Variants in IRF2BP2 observed in about 807,000 individuals in gnomAD.
The protein encoded by IRF2BP2 is interferon regulatory factor 2-binding protein 2.
IRF2BP2 carries 13 observed loss-of-function variants against 32.7 expected under a neutral mutation model. That is an observed-to-expected ratio of 0.40 (90% CI 0.26 to 0.63). IRF2BP2 has a LOEUF of 0.63. IRF2BP2 is among the 30% of genes least tolerant of loss of function. IRF2BP2 has a pLI of 0.42. For missense variants in IRF2BP2, 980 were observed against 830.6 expected, an observed-to-expected ratio of 1.18 and a Z score of -2.21; for synonymous variants, 555 against 384.6, an observed-to-expected ratio of 1.44 and a Z score of -5.18.
chr1:234,607,652 C>T lies in IRF2BP2; in HGVS notation c.1249G>A (p.Ala417Thr), dbSNP rs762605005. 3 of 1,614,092 alleles carry T rather than the reference C, an allele frequency of 1.9e-6. No individual in the cohort carries two copies. Among genetic ancestry groups the T allele is most frequent in the African/African-American group, 2.7e-5 (2 of 74,924 alleles). ...ATGGGGGACTGGCCATTCTGGGCCG[C>T]TTCAGGCGGTGTGGTCCGGTTGGAA... ...PHSNRTTPPE[A>T]AQNGQSPMAA... The change falls in exon 2 of 2, where the codon GCG becomes ACG. Residue 417 changes from alanine (A) to threonine (T), a missense_variant. Physicochemically the swap from Ala to Thr is moderately conservative, Grantham distance 58. Coordinates refer to ENST00000366609, the MANE Select transcript of IRF2BP2 (RefSeq NM_182972.3).
At position 234,608,788 on chromosome 1, in the gene IRF2BP2, T is replaced by C. The variant is rs1672250347; in HGVS notation, c.707A>G (p.Lys236Arg). The C allele has an allele frequency of 1.4e-6, 2 of 1,436,484 alleles. No individual in the cohort carries two copies. The highest frequency in any genetic ancestry group is 1.8e-6 in the Non-Finnish European group (2 of 1,103,386). 89.0% of individuals were successfully genotyped at this position (1,436,484 alleles called of 1,614,324 possible). Residue 236 changes from lysine to arginine, a missense_variant, in exon 1 of 2, where the codon AAG becomes AGG. Physicochemically the swap from Lys to Arg is conservative, Grantham distance 26 (BLOSUM62 2). Transcript: ENST00000366609. ...SAQPTDLGAH[K>R]RPASVSSSAA... Reference sequence around the variant, plus strand: ...GCTGCTCGACACGGATGCCGGCCGCTTGTGGGCGCCCAGATCGGTGGGCTG... The same window carrying C: ...GCTGCTCGACACGGATGCCGGCCGCCTGTGGGCGCCCAGATCGGTGGGCTG...
At position 234,608,690 on chromosome 1, in the gene IRF2BP2, G is replaced by C; in HGVS notation, c.805C>G (p.Pro269Ala). Residue 269 changes from proline to alanine, a missense_variant, in exon 1 of 2, where the codon CCG (proline) becomes GCG (alanine). Transcript: ENST00000366609. Reference protein sequence around the residue: ...KQPPPPAHRGPADSLSTAAGA... With the variant: ...KQPPPPAHRGAADSLSTAAGA... ...GCCGCGGTGGACAGGCTGTCGGCCG[G>C]GCCCCGGTGCGCAGGCGGCGGCGGT... The C allele has an allele frequency of 6.6e-7, 1 of 1,507,782 alleles. No homozygotes were observed. Among genetic ancestry groups the C allele is most frequent in the Non-Finnish European group, 8.8e-7 (1 of 1,138,898 alleles). 93.4% of individuals were successfully genotyped at this position (1,507,782 alleles called of 1,614,324 possible). A position where few individuals can be genotyped will look rare whatever the true frequency, so the allele number is the denominator to read the frequency against.
rs766667226 is a variant in IRF2BP2 at position 234,608,606 on chromosome 1, C to A, written c.889G>T (p.Asp297Tyr). Residue 297 changes from aspartate to tyrosine, a missense_variant, in exon 1 of 2, where the codon GAC (aspartate) becomes TAC (tyrosine). Coordinates refer to ENST00000366609, the MANE Select transcript of IRF2BP2 (RefSeq NM_182972.3). Reference protein sequence around the residue: ...AGKSRGSGEQDWVNRPKTVRD... With the variant: ...AGKSRGSGEQYWVNRPKTVRD... The stretch of plus-strand genomic sequence containing the variant: ...ACGGTCTTGGGCCTGTTGACCCAGT[C>A]CTGCTCTCCAGACCCGCGGCTCTTG... The A allele has an allele frequency of 1.3e-6, 2 of 1,591,402 alleles. No homozygotes were observed. The highest frequency in any genetic ancestry group is 2.3e-5 in the East Asian group (1 of 42,636).
At chr1:234,607,943 G>C (rs181889477) in intron 1 of IRF2BP2, 91 bp from the exon 2 acceptor site, 1 of 1,014,714 alleles carries the variant, frequency 9.9e-7, no homozygotes, top group East Asian at 2.5e-5. Flanking sequence ...AACAAAAGTC[G>C]TTACAGAATT....
In IRF2BP2 at chr1:234,607,797, C is replaced by G. The variant is rs934971953; in HGVS notation, c.1104G>C (p.Gly368=). 1 of 1,609,534 alleles carries G rather than the reference C, an allele frequency of 6.2e-7. No homozygotes were observed. Among genetic ancestry groups the G allele is most frequent in the Non-Finnish European group, 8.5e-7 (1 of 1,177,160 alleles). ...GGGCCTCTCCGTTGATCTTAGGGGG[C>G]CCGACTTCACCTTCTGGTTCTGGAG... The part of the protein sequence containing the change: ...KPSPEPEGEV[G]PPKINGEAQP... The change falls in exon 2 of 2, where the codon GGG becomes GGC. Residue 368 remains glycine, a synonymous_variant. Transcript: ENST00000366609.
intron 1 of IRF2BP2, chr1:234,608,194 C>T (rs778107236): frequency 1.1e-5 from 6 of 525,054 alleles, no homozygotes; most frequent in Non-Finnish European, 2.0e-5. Flanking sequence ...CCCTCATGCT[C>T]CCATCCAAGA....
rs780110766 is a variant in IRF2BP2 at position 234,605,269 on chromosome 1, G to C, written c.*1868C>G. On this transcript the variant is annotated 3_prime_UTR_variant, in exon 2 of 2. Coordinates refer to ENST00000366609, the MANE Select transcript of IRF2BP2 (RefSeq NM_182972.3). ...TAAAATTGACTCTGCATTTCTGCAT[G>C]TGTGCATTCACATAAGAGAGACCAG... The C allele has an allele frequency of 6.6e-6, 1 of 152,226 alleles. No individual in the cohort carries two copies. The highest frequency in any genetic ancestry group is 1.5e-5 in the Non-Finnish European group (1 of 68,038). 9.4% of individuals were successfully genotyped at this position (152,226 alleles called of 1,614,324 possible). A position where few individuals can be genotyped will look rare whatever the true frequency, so the allele number is the denominator to read the frequency against.
At chr1:234,608,173 G>C (rs967945276) in intron 1 of IRF2BP2, 4 of 526,312 alleles carry the variant, frequency 7.6e-6, no homozygotes, top group African/African-American at 1.9e-5. Flanking sequence ...TAGGTTAAAA[G>C]GTGACTGGTG....
In IRF2BP2 at chr1:234,607,101, A is replaced by C. The variant is rs1260137400; in HGVS notation, c.*36T>G. 6.9e-7 allele frequency: 1 copy of C among 1,453,238 alleles called. No homozygotes were observed. Among genetic ancestry groups the C allele is most frequent in the Non-Finnish European group, 9.5e-7 (1 of 1,047,270 alleles). 90.0% of individuals were successfully genotyped at this position (1,453,238 alleles called of 1,614,324 possible). ...ATATACAATTCAAGCAGTTTTAATTAAGGGTAATCATTGGGTTTTTCTGAA... is the reference window on the plus strand; with the variant it reads ...ATATACAATTCAAGCAGTTTTAATTCAGGGTAATCATTGGGTTTTTCTGAA... On this transcript the variant is annotated 3_prime_UTR_variant, in exon 2 of 2. Coordinates refer to ENST00000366609, the MANE Select transcript of IRF2BP2 (RefSeq NM_182972.3).
chr1:234,609,930 GGGGGGGC>G lies in IRF2BP2; in HGVS notation c.-443_-437del, dbSNP rs1370537467. Among the ~76,000 whole-genome samples, 115 of 139,742 alleles carry G rather than the reference GGGGGGGC, an allele frequency of 8.2e-4. No homozygotes were observed. Among genetic ancestry groups the G allele is most frequent in the African/African-American group, 2.9e-3 (112 of 39,100 alleles). 91.7% of individuals were successfully genotyped at this position (139,742 alleles called of 152,430 possible). On this transcript the variant is annotated 5_prime_UTR_variant, in exon 1 of 2. Coordinates refer to ENST00000366609, the MANE Select transcript of IRF2BP2 (RefSeq NM_182972.3). ...GTGCGGGGCGGGGGGCGGGGAGGCCGGGGGGGCAGGGGGCGGGGGGCGGCCGCCGGGG... is the reference window on the plus strand; with the variant it reads ...GTGCGGGGCGGGGGGCGGGGAGGCCGAGGGGGCGGGGGGCGGCCGCCGGGG...
rs1672182994 is a variant in IRF2BP2, at chr1:234,607,053, G to T, written c.*84C>A. On this transcript the variant is annotated 3_prime_UTR_variant, in exon 2 of 2. Transcript: ENST00000366609. ...TGAAGTCTACATTTCCCTTGTCTTG[G>T]ATATATATATATATGGAGATATATA... 5 of 925,320 alleles carry T rather than the reference G, an allele frequency of 5.4e-6. No individual in the cohort carries two copies. The highest frequency in any genetic ancestry group is 1.6e-6 in the Non-Finnish European group (1 of 610,660). 57.3% of individuals were successfully genotyped at this position (925,320 alleles called of 1,614,324 possible). A position where few individuals can be genotyped will look rare whatever the true frequency, so the allele number is the denominator to read the frequency against.
Position 234,609,279 on chromosome 1 carries a change from TG to T in IRF2BP2, c.215del (p.Pro72HisfsTer82). 7.0e-7 allele frequency: 1 copy of T among 1,430,508 alleles called. No individual in the cohort carries two copies. The highest frequency in any genetic ancestry group is 1.4e-5 in the South Asian group (1 of 70,870). 88.6% of individuals were successfully genotyped at this position (1,430,508 alleles called of 1,614,324 possible). A position where few individuals can be genotyped will look rare whatever the true frequency, so the allele number is the denominator to read the frequency against. On this transcript the variant is annotated frameshift_variant, in exon 1 of 2. Coordinates refer to ENST00000366609, the MANE Select transcript of IRF2BP2 (RefSeq NM_182972.3). LOFTEE classifies it high-confidence loss of function. ...AHGCFPEGRS[P>X]PGAAASAAAK... ...CGGCGGCCGAGGCCGCGGCGCCGGG[TG>T]GGGAGCGACCCTCCGGGAAGCAGCC... is the stretch of plus-strand genomic sequence containing the variant.
Position 234,607,274 on chromosome 1 carries a change from C to G in IRF2BP2, c.1627G>C (p.Ala543Pro). Residue 543 changes from alanine (A) to proline (P), a missense_variant, in exon 2 of 2, where the codon GCT (alanine) becomes CCT (proline). Transcript: ENST00000366609. Reference sequence around the variant, plus strand: ...CTGGGACAATAGACCTCTCCACTAGCTCCCTGCTGTTTGATGCTTTGTCTG... The same window carrying G: ...CTGGGACAATAGACCTCTCCACTAGGTCCCTGCTGTTTGATGCTTTGTCTG... ...CSRQSIKQQGASGEVYCPSGE... is the reference protein window; with the variant it reads ...CSRQSIKQQGPSGEVYCPSGE... The G allele has an allele frequency of 6.2e-7, 1 of 1,614,244 alleles. No individual in the cohort carries two copies. The highest frequency in any genetic ancestry group is 8.5e-7 in the Non-Finnish European group (1 of 1,180,044).
chr1:234,607,691 TG>T lies in IRF2BP2; in HGVS notation c.1209del (p.Thr404LeufsTer25). On this transcript the variant is annotated frameshift_variant, in exon 2 of 2. Transcript: ENST00000366609. LOFTEE classifies it high-confidence loss of function. ...PTSSFVSPPPPTASPHSNRTT... is the reference protein window; with the variant it reads ...PTSSFVSPPPXTASPHSNRTT... The stretch of plus-strand genomic sequence containing the variant: ...GTCCGGTTGGAATGAGGTGAGGCAG[TG>T]GGTGGTGGCGGAGACACAAAAGAGG... The T allele has an allele frequency of 6.2e-7, 1 of 1,614,062 alleles. No individual in the cohort carries two copies.
At position 234,609,024 on chromosome 1, in the gene IRF2BP2, C is replaced by G. The variant is rs776503885; in HGVS notation, c.471G>C (p.Leu157=). Reference sequence around the variant, plus strand: ...CTAGCTTGGAGAAGCCGTTGGGCACCAGGATGCCGTTCACGGGCGGCGGCT... The same window carrying G: ...CTAGCTTGGAGAAGCCGTTGGGCACGAGGATGCCGTTCACGGGCGGCGGCT... ...TPQPPPVNGI[L]VPNGFSKLEE... is the part of the protein sequence containing the mutation. The change falls in exon 1 of 2, where the codon CTG becomes CTC. Residue 157 remains leucine (L), a synonymous_variant. Transcript: ENST00000366609. The G allele has an allele frequency of 8.5e-5, 113 of 1,322,448 alleles. No homozygotes were observed. The highest frequency in any genetic ancestry group is 3.3e-4 in the South Asian group (14 of 41,820). 81.9% of individuals were successfully genotyped at this position (1,322,448 alleles called of 1,614,324 possible). A position where few individuals can be genotyped will look rare whatever the true frequency, so the allele number is the denominator to read the frequency against.
chr1:234,608,093 CTGCCTG>C, intron 1 of IRF2BP2: 1 of 558,450 alleles, frequency 1.8e-6, no homozygotes, highest in Non-Finnish European at 3.2e-6. Context: ...ACGCTTGTAA[CTGCCTG>C]TTTGTACACA....
In IRF2BP2 at chr1:234,608,938, G is replaced by C; in HGVS notation, c.557C>G (p.Pro186Arg). Residue 186 changes from proline to arginine, a missense_variant, in exon 1 of 2, where the codon CCC becomes CGC. Pro to Arg is a moderately radical substitution (Grantham distance 103). Transcript: ENST00000366609. ...PNPRRGHAVP[P>R]TLVPLMNGSA... ...GCCGTTCATGAGCGGCACCAGGGTG[G>C]GCGGCACCGCGTGGCCGCGCCGCGG... is the stretch of plus-strand genomic sequence containing the variant. 1 of 1,365,628 alleles carries C rather than the reference G, an allele frequency of 7.3e-7. No homozygotes were observed. The highest frequency in any genetic ancestry group is 2.8e-5 in the East Asian group (1 of 35,160). The allele number at this position is 1,365,628 out of a possible 1,614,324, so 84.6% of individuals were successfully genotyped here.
chr1:234,608,352 G>T, intron 1 of IRF2BP2, 95 bp downstream of exon 1: 1 of 1,060,364 alleles, frequency 9.4e-7, no homozygotes, highest in Non-Finnish European at 1.3e-6. Flanking sequence ...GTTGTTTCTG[G>T]GCTGGGGTAA....
In IRF2BP2 at chr1:234,609,166, G is replaced by C; in HGVS notation, c.329C>G (p.Ala110Gly). 1 of 1,272,782 alleles carries C rather than the reference G, an allele frequency of 7.9e-7. No individual in the cohort carries two copies. The highest frequency in any genetic ancestry group is 2.6e-5 in the South Asian group (1 of 38,284). The allele number at this position is 1,272,782 out of a possible 1,614,324, so 78.8% of individuals were successfully genotyped here. The stretch of plus-strand genomic sequence containing the variant: ...CGGGTAGCGCTCCAAGGCCTGCGGC[G>C]CGCGCGGGGCCGCCTCGGGGCCGCC... ...GHGGPEAAPR[A>G]PQALERYPLA... The change falls in exon 1 of 2, where the codon GCG becomes GGG. Residue 110 changes from alanine (A) to glycine (G), a missense_variant. Ala to Gly is a moderately conservative substitution (Grantham distance 60). Coordinates refer to ENST00000366609, the MANE Select transcript of IRF2BP2 (RefSeq NM_182972.3).
Sources: allele counts gnomAD v4.1 joint callset (sites outside exome capture counted in the v4.1 genomes callset), GRCh38; gene constraint gnomAD v4.1.1; transcripts MANE v1.5; gene names NCBI Gene and HGNC (gene_info 2026-07-23, HGNC 2026-07-21).